Variants in PEX5L observed in about 807,000 individuals in gnomAD.
PEX5L encodes PEX5-related protein.
A neutral mutation model predicts 84.0 loss-of-function variants in PEX5L; 30 were observed. The ratio of observed to expected loss-of-function variants is 0.36; its 90% CI spans 0.27 to 0.48. PEX5L has a LOEUF of 0.48. Ranked by LOEUF, PEX5L falls within the 20% of genes least tolerant of loss-of-function variation. PEX5L has a pLI of 0.99. For missense variants in PEX5L, 533 were observed against 754.6 expected, an observed-to-expected ratio of 0.71 and a Z score of 3.44; for synonymous variants, 270 against 283.1, an observed-to-expected ratio of 0.95 and a Z score of 0.46.
Position 179,936,944 on chromosome 3 carries a change from G to A in PEX5L, c.93+34650C>T, listed in dbSNP as rs771174113. On this transcript the variant is annotated intron_variant, in intron 2 of 14. Coordinates refer to ENST00000467460, the MANE Select transcript of PEX5L (RefSeq NM_016559.3). Reference sequence around the variant, plus strand: ...ACAGCATGAGTAACCTTTGCTACTCGTTTATATTCTAGGTATATAAAACTA... The same window carrying A: ...ACAGCATGAGTAACCTTTGCTACTCATTTATATTCTAGGTATATAAAACTA... Among the ~76,000 whole-genome samples the A allele has an allele frequency of 1.3e-4, 5 of 39,108 alleles. 1 individual carries two copies. Among genetic ancestry groups the A allele is most frequent in the African/African-American group, 2.9e-4 (3 of 10,340 alleles). 25.7% of individuals were successfully genotyped at this position (39,108 alleles called of 152,430 possible). A position where few individuals can be genotyped will look rare whatever the true frequency, so the allele number is the denominator to read the frequency against.
intron 7 of PEX5L, among the ~76,000 whole-genome samples, chr3:179,872,464 C>T (rs919981668): frequency 1.3e-5 from 2 of 152,038 alleles, no homozygotes; most frequent in Admixed American, 6.6e-5. Flanking sequence ...AAGATTTGTC[C>T]AGATAGAAAA....
At position 179,801,742 on chromosome 3, in the gene PEX5L, C is replaced by A. The variant is rs771294266; in HGVS notation, c.*86G>T. 7 of 931,914 alleles carry A rather than the reference C, an allele frequency of 7.5e-6. No individual in the cohort carries two copies. Among genetic ancestry groups the A allele is most frequent in the Non-Finnish European group, 1.1e-5 (6 of 569,142 alleles). 57.7% of individuals were successfully genotyped at this position (931,914 alleles called of 1,614,324 possible). On this transcript the variant is annotated 3_prime_UTR_variant, in exon 15 of 15. Transcript: ENST00000467460. ...TGGCCTTTTGAATATTTGATTTATC[C>A]TTTTGAAATTCATAATAAAATAGTT...
chr3:179,988,428 A>AAAAG (rs1460063913), intron 1 of PEX5L, among the ~76,000 whole-genome samples: 1 of 150,968 alleles, frequency 6.6e-6, no homozygotes, highest in Non-Finnish European at 1.5e-5. Context: ...ATAAAATAAA[A>AAAAG]AAAGAAAGAA....
chr3:179,909,372 T>C (rs1017507090), intron 2 of PEX5L, among the ~76,000 whole-genome samples: 14 of 152,194 alleles, frequency 9.2e-5, no homozygotes, highest in Non-Finnish European at 1.9e-4. Flanking sequence ...AAATAATGAA[T>C]GTACAGAGAA....
chr3:179,856,958 T>G (rs2108512578), intron 8 of PEX5L, among the ~76,000 whole-genome samples: 1 of 152,362 alleles, frequency 6.6e-6, no homozygotes, highest in East Asian at 1.9e-4. Flanking sequence ...AAATTGGTCC[T>G]GTGGACCATG....
At chr3:180,011,453 CTG>C (rs1434736634) in intron 1 of PEX5L, among the ~76,000 whole-genome samples, 1 of 152,134 alleles carries the variant, frequency 6.6e-6, no homozygotes, top group Non-Finnish European at 1.5e-5. Context: ...GAAAAGAAGA[CTG>C]AGAAAATGCA....
intron 4 of PEX5L, chr3:179,881,308 A>G (rs1397222257): frequency 6.6e-6 from 1 of 152,198 alleles, no homozygotes; most frequent in Non-Finnish European, 1.5e-5. Flanking sequence ...TCATGAGTTA[A>G]CCATTCCTAT....
chr3:179,956,347 A>G (rs1049851798), intron 2 of PEX5L, among the ~76,000 whole-genome samples: 2 of 152,198 alleles, frequency 1.3e-5, no homozygotes, highest in Non-Finnish European at 2.9e-5. Flanking sequence ...TAGAATGCTT[A>G]TAAAATAATA....
At chr3:179,971,529 C>G in intron 2 of PEX5L, 65 bp downstream of exon 2, 1 of 1,515,274 alleles carries the variant, frequency 6.6e-7, no homozygotes, top group Non-Finnish European at 8.8e-7. Context: ...GCTGAACACT[C>G]AAAAGGCTTT....
chr3:179,948,774 G>A (rs765806739), intron 2 of PEX5L, among the ~76,000 whole-genome samples: 4 of 152,060 alleles, frequency 2.6e-5, no homozygotes, highest in Admixed American at 6.6e-5. Context: ...TTCTCTCTGC[G>A]GAAGCAGTCG....
chr3:179,956,625 G>A (rs1780627327), intron 2 of PEX5L, among the ~76,000 whole-genome samples: 1 of 152,094 alleles, frequency 6.6e-6, no homozygotes, highest in African/African-American at 2.4e-5. Context: ...TCTTTTCTCA[G>A]CTAACTTAAA....
chr3:179,853,019 G>C (rs1742505225), intron 8 of PEX5L, among the ~76,000 whole-genome samples: 1 of 152,152 alleles, frequency 6.6e-6, no homozygotes, highest in South Asian at 2.1e-4. Context: ...ATTTGCACCA[G>C]ACTCTATGGC....
At chr3:179,911,236 T>G (rs556608829) in intron 2 of PEX5L, among the ~76,000 whole-genome samples, 3 of 152,300 alleles carry the variant, frequency 2.0e-5, no homozygotes, top group East Asian at 3.9e-4. Context: ...TTATTCTGTT[T>G]GCTTATCAAT....
At chr3:179,865,424 C>T (rs765403099) in intron 7 of PEX5L, among the ~76,000 whole-genome samples, 10 of 151,804 alleles carry the variant, frequency 6.6e-5, no homozygotes, top group African/African-American at 2.4e-4. Flanking sequence ...TGCAACTTAG[C>T]GGTGTGCTCA....
At chr3:179,811,363 A>T (rs1353936665) in intron 11 of PEX5L, among the ~76,000 whole-genome samples, 1 of 152,060 alleles carries the variant, frequency 6.6e-6, no homozygotes, top group Non-Finnish European at 1.5e-5. Flanking sequence ...TCCAGGGTTT[A>T]AATAGGAGCT....
intron 8 of PEX5L, among the ~76,000 whole-genome samples, chr3:179,832,144 C>T (rs1008119419): frequency 5.3e-5 from 8 of 151,552 alleles, no homozygotes; most frequent in African/African-American, 9.7e-5. Context: ...CAGTGGAGAA[C>T]GAGAGAATTA....
intron 1 of PEX5L, among the ~76,000 whole-genome samples, chr3:179,996,843 C>G (rs1285730180): frequency 6.6e-6 from 1 of 152,176 alleles, no homozygotes; most frequent in Non-Finnish European, 1.5e-5. Flanking sequence ...GGCAAAGCAG[C>G]AATCAGAATA....
chr3:179,867,276 T>A (rs551379037), intron 7 of PEX5L, among the ~76,000 whole-genome samples: 1 of 152,106 alleles, frequency 6.6e-6, no homozygotes, highest in Non-Finnish European at 1.5e-5. Flanking sequence ...CAGAATAAAA[T>A]TTTGGGTTTT....
intron 2 of PEX5L, chr3:179,921,581 A>G (rs1251501215): frequency 6.6e-6 from 1 of 152,148 alleles, no homozygotes; most frequent in Non-Finnish European, 1.5e-5. Flanking sequence ...TCATCACAAG[A>G]GCTATGAAAG....
Sources: gnomAD v4.1 joint callset for allele counts (sites outside exome capture counted in the v4.1 genomes callset) on GRCh38, gnomAD v4.1.1 for gene constraint, MANE v1.5 for transcripts, NCBI Gene and HGNC (gene_info 2026-07-23, HGNC 2026-07-21) for gene names.